SLC20A2: variants seen among roughly 807,000 people sequenced by gnomAD.
The protein encoded by SLC20A2 is sodium-dependent phosphate transporter 2.
A neutral mutation model predicts 61.0 loss-of-function variants in SLC20A2; 30 were observed. The ratio of observed to expected loss-of-function variants is 0.49; its 90% CI spans 0.37 to 0.67. The LOEUF (loss-of-function observed/expected upper bound fraction) is 0.67. SLC20A2 is among the 30% of genes least tolerant of loss of function. The pLI is 0.00. For missense variants in SLC20A2, 626 were observed against 866.4 expected (o/e 0.72, Z 3.48); for synonymous variants, 351 against 353.3 (o/e 0.99, Z 0.07).
chr8:42,533,654 C>CTTTTTTTCTTTTTTTTGTTTTTTT (rs1253260874), intron 1 of SLC20A2, among the ~76,000 whole-genome samples: 1 of 55,310 alleles, frequency 1.8e-5, no homozygotes, highest in Non-Finnish European at 3.3e-5. Context: ...ATCAACTGTT[C>CTTTTTTTCTTTTTTTTGTTTTTTT]TTTTTTTTTT....
rs551088315 is a variant in SLC20A2, at chr8:42,527,537, G to C, written c.-265+14284C>G. Among the ~76,000 whole-genome samples, 7 of 152,232 alleles carry C rather than the reference G, an allele frequency of 4.6e-5. No homozygotes were observed. The East Asian group carries it at 5.8e-4, about 13-fold the overall frequency. On this transcript the variant is annotated intron_variant, in intron 1 of 10. Coordinates refer to the SLC20A2 transcript ENST00000342228. ...TCACACCTGTAACCCTAGCACTTTG[G>C]GGGGCTGAGGAGGGCGGATCACCTG... is the stretch of plus-strand genomic sequence containing the variant.
intron 2 of SLC20A2, among the ~76,000 whole-genome samples, chr8:42,469,193 T>C (rs986190344): frequency 1.2e-4 from 19 of 152,228 alleles, no homozygotes; most frequent in Admixed American, 1.2e-3. Context: ...CAGAATCAGC[T>C]GTGGTTTTGG....
chr8:42,430,967 C>T (rs1033232748), intron 8 of SLC20A2, among the ~76,000 whole-genome samples: 2 of 152,188 alleles, frequency 1.3e-5, no homozygotes, highest in African/African-American at 4.8e-5. Context: ...ACTGCCTTGT[C>T]TCTCTCCCTC....
At chr8:42,499,963 T>C (rs1810214747) in intron 1 of SLC20A2, among the ~76,000 whole-genome samples, 1 of 152,240 alleles carries the variant, frequency 6.6e-6, no homozygotes, top group South Asian at 2.1e-4. Context: ...TTTCCTTTCA[T>C]TGTTGACACT....
chr8:42,496,136 AC>A (rs1239840261), intron 1 of SLC20A2, among the ~76,000 whole-genome samples: 1 of 152,196 alleles, frequency 6.6e-6, no homozygotes, highest in African/African-American at 2.4e-5. Flanking sequence ...GCAGTGCGTT[AC>A]TTGTGTGACA....
At chr8:42,525,688 G>A (rs1811889837) in intron 1 of SLC20A2, among the ~76,000 whole-genome samples, 2 of 148,948 alleles carry the variant, frequency 1.3e-5, no homozygotes, top group Admixed American at 1.3e-4. Flanking sequence ...TCACAGTATT[G>A]TTTACAACTG....
At chr8:42,438,311 C>T (rs990603897) in intron 7 of SLC20A2, among the ~76,000 whole-genome samples, 2 of 152,056 alleles carry the variant, frequency 1.3e-5, no homozygotes, top group Non-Finnish European at 2.9e-5. Context: ...CCAGGTGCCT[C>T]TGTTTTGATT....
intron 1 of SLC20A2, among the ~76,000 whole-genome samples, chr8:42,530,717 T>C (rs1812264816): frequency 6.6e-6 from 1 of 152,038 alleles, no homozygotes; most frequent in South Asian, 2.1e-4. Flanking sequence ...ATATGGTTAG[T>C]ATTTTGGGTT....
intron 1 of SLC20A2, among the ~76,000 whole-genome samples, chr8:42,519,479 G>A (rs1043050491): frequency 2.1e-4 from 31 of 147,786 alleles, no homozygotes; most frequent in African/African-American, 6.8e-4. Flanking sequence ...ACACCTGGGC[G>A]CCACTTTCGG....
intron 1 of SLC20A2, among the ~76,000 whole-genome samples, chr8:42,515,535 T>C (rs1003096533): frequency 6.6e-6 from 1 of 152,164 alleles, no homozygotes; most frequent in African/African-American, 2.4e-5. Flanking sequence ...GGCAAAAGTC[T>C]ATCACTATCT....
At chr8:42,452,898 A>T (rs1327545076) in intron 5 of SLC20A2, among the ~76,000 whole-genome samples, 3 of 152,204 alleles carry the variant, frequency 2.0e-5, no homozygotes, top group Non-Finnish European at 4.4e-5. Context: ...TACCCATTAC[A>T]TTAGAACGGT....
chr8:42,449,224 G>T (rs1805466266), intron 5 of SLC20A2, among the ~76,000 whole-genome samples: 1 of 152,130 alleles, frequency 6.6e-6, no homozygotes, highest in Non-Finnish European at 1.5e-5. Flanking sequence ...AGCCTCAGTG[G>T]CTCGTGTTCA....
chr8:42,507,990 T>C (rs796569747), intron 1 of SLC20A2, among the ~76,000 whole-genome samples: 11 of 151,918 alleles, frequency 7.2e-5, no homozygotes, highest in African/African-American at 2.4e-4. Flanking sequence ...TGAAACCCCA[T>C]CTCGACTAAA....
intron 9 of SLC20A2, 96 bp from the exon 10 acceptor site, chr8:42,428,938 G>T: frequency 1.0e-6 from 1 of 973,718 alleles, no homozygotes; most frequent in Non-Finnish European, 1.5e-6. Context: ...ATTCTCTGGG[G>T]TGACTGCCGA....
intron 5 of SLC20A2, among the ~76,000 whole-genome samples, chr8:42,455,596 C>G (rs999101126): frequency 2.6e-5 from 4 of 151,544 alleles, no homozygotes; most frequent in African/African-American, 9.7e-5. Context: ...GGAGGTGGAG[C>G]TTGCAGTGAG....
chr8:42,418,492 T>A (rs1802822010), intron 10 of SLC20A2, among the ~76,000 whole-genome samples: 1 of 152,138 alleles, frequency 6.6e-6, no homozygotes, highest in Admixed American at 6.5e-5. Context: ...GTTCAAGCGA[T>A]TCTCCTGTCT....
chr8:42,425,354 G>A (rs572558917), intron 10 of SLC20A2, among the ~76,000 whole-genome samples: 1 of 152,118 alleles, frequency 6.6e-6, no homozygotes, highest in Admixed American at 6.5e-5. Flanking sequence ...CATTCTTCAC[G>A]CCATCCCACA....
chr8:42,459,288 A>G (rs1294911807), intron 5 of SLC20A2, among the ~76,000 whole-genome samples: 1 of 151,904 alleles, frequency 6.6e-6, no homozygotes, highest in East Asian at 1.9e-4. Flanking sequence ...AATCCATGAG[A>G]ATGACAAGGA....
At chr8:42,475,403 A>G (rs778791432) in intron 1 of SLC20A2, among the ~76,000 whole-genome samples, 3 of 148,542 alleles carry the variant, frequency 2.0e-5, no homozygotes, top group Non-Finnish European at 3.0e-5. Context: ...CCCGGCCCAG[A>G]CTTAGGAATT....
Sources: allele counts gnomAD v4.1 joint callset (sites outside exome capture counted in the v4.1 genomes callset), GRCh38; gene constraint gnomAD v4.1.1; transcripts MANE v1.5; gene names NCBI Gene and HGNC (gene_info 2026-07-23, HGNC 2026-07-21).